Variants in TAS2R20 observed in about 807,000 individuals in gnomAD.
TAS2R20 encodes the protein taste 2 receptor member 20.
For missense variants in TAS2R20, 364 were observed against 352.2 expected (o/e 1.03, Z -0.27); for synonymous variants, 136 against 127.1 (o/e 1.07, Z -0.47).
Position 10,997,954 on chromosome 12 carries a change from T to C in TAS2R20, c.-79A>G. 1 of 815,308 alleles carries C rather than the reference T, an allele frequency of 1.2e-6. No individual in the cohort carries two copies. Among genetic ancestry groups the C allele is most frequent in the East Asian group, 2.6e-5 (1 of 38,574 alleles). The allele number at this position is 815,308 out of a possible 1,614,324, so 50.5% of individuals were successfully genotyped here. A position where few individuals can be genotyped will look rare whatever the true frequency, so the allele number is the denominator to read the frequency against. Reference sequence around the variant, plus strand: ...TCCTCTGATATTCAAGACTTTAAGTTAAATATGCACTTGATTCCTGAATGT... The same window carrying C: ...TCCTCTGATATTCAAGACTTTAAGTCAAATATGCACTTGATTCCTGAATGT... On this transcript the variant is annotated 5_prime_UTR_variant, in exon 1 of 1. Coordinates refer to ENST00000538986, the MANE Select transcript of TAS2R20 (RefSeq NM_176889.4).
Position 10,997,585 on chromosome 12 carries a change from C to G in TAS2R20, c.291G>C (p.Trp97Cys), listed in dbSNP as rs1315511744. Residue 97 changes from tryptophan (W) to cysteine (C), a missense_variant, in exon 1 of 1, where the codon TGG becomes TGC. Coordinates refer to ENST00000538986, the MANE Select transcript of TAS2R20 (RefSeq NM_176889.4). ...AAAATATGCTGAGGCTAGTAGCAAGCCAGATGCTGAAATGATTGGTTACTG... is the reference window on the plus strand; with the variant it reads ...AAAATATGCTGAGGCTAGTAGCAAGGCAGATGCTGAAATGATTGGTTACTG... ...AWAVTNHFSI[W>C]LATSLSIFYL... 2 of 1,613,966 alleles carry G rather than the reference C, an allele frequency of 1.2e-6. No individual in the cohort carries two copies. Among genetic ancestry groups the G allele is most frequent in the East Asian group, 2.2e-5 (1 of 44,866 alleles).
At chr12:10,997,433 TG>T in the TAS2R20 span, 2 of 1,613,940 alleles carry the variant, frequency 1.2e-6, no homozygotes, top group South Asian at 2.2e-5. Flanking sequence ...TATATACGTG[TG>T]TTTCATCACA....
At position 10,997,301 on chromosome 12, in the gene TAS2R20, A is replaced by G. The variant is rs1246132601; in HGVS notation, c.575T>C (p.Leu192Pro). The G allele has an allele frequency of 1.2e-6, 2 of 1,614,000 alleles. No individual in the cohort carries two copies. The highest frequency in any genetic ancestry group is 1.7e-5 in the Admixed American group (1 of 59,978). Residue 192 changes from leucine to proline, a missense_variant, in exon 1 of 1, where the codon CTG (leucine) becomes CCG (proline). By Grantham distance (98) the Leu-to-Pro change is moderately conservative. Transcript: ENST00000538986. Reference sequence around the variant, plus strand: ...GTAGATTAACAGCAGAAAAGATATCAGGGTCAGAGTGAATGGTATCAAGTT... The same window carrying G: ...GTAGATTAACAGCAGAAAAGATATCGGGGTCAGAGTGAATGGTATCAAGTT... ...LANLIPFTLTLISFLLLIYSL... is the reference protein window; with the variant it reads ...LANLIPFTLTPISFLLLIYSL...
In TAS2R20 at chr12:10,997,141, T is replaced by C; in HGVS notation, c.735A>G (p.Leu245=). ...LILLAIYFLC[L]IISFWNFKMR... ...TCTTAAAATTCCAAAACGATATGAT[T>C]AGACACAGAAAGTAAATGGCAAGTA... The change falls in exon 1 of 1, where the codon CTA becomes CTG. Residue 245 remains leucine, a synonymous_variant. Transcript: ENST00000538986. 1 of 1,614,054 alleles carries C rather than the reference T, an allele frequency of 6.2e-7. No homozygotes were observed. The highest frequency in any genetic ancestry group is 8.5e-7 in the Non-Finnish European group (1 of 1,179,962).
At position 10,997,954 on chromosome 12, in the gene TAS2R20, T is replaced by A; in HGVS notation, c.-79A>T. 1.2e-6 allele frequency: 1 copy of A among 815,304 alleles called. No homozygotes were observed. The highest frequency in any genetic ancestry group is 1.9e-6 in the Non-Finnish European group (1 of 525,796). 50.5% of individuals were successfully genotyped at this position (815,304 alleles called of 1,614,324 possible). On this transcript the variant is annotated 5_prime_UTR_variant, in exon 1 of 1. Coordinates refer to ENST00000538986, the MANE Select transcript of TAS2R20 (RefSeq NM_176889.4). The stretch of plus-strand genomic sequence containing the variant: ...TCCTCTGATATTCAAGACTTTAAGT[T>A]AAATATGCACTTGATTCCTGAATGT...
In TAS2R20 at chr12:10,997,282, T is replaced by A. The variant is rs772527915; in HGVS notation, c.594A>T (p.Leu198Phe). 1.2e-6 allele frequency: 2 copies of A among 1,614,074 alleles called. No individual in the cohort carries two copies. The highest frequency in any genetic ancestry group is 8.5e-7 in the Non-Finnish European group (1 of 1,179,992). ...TCAGATGTTTACACAGAGAGTAGAT[T>A]AACAGCAGAAAAGATATCAGGGTCA... is the stretch of plus-strand genomic sequence containing the variant. ...FTLTLISFLLLIYSLCKHLKK... is the reference protein window; with the variant it reads ...FTLTLISFLLFIYSLCKHLKK... The change falls in exon 1 of 1, where the codon TTA becomes TTT. Residue 198 changes from leucine to phenylalanine, a missense_variant. Leu to Phe is a conservative substitution (Grantham distance 22). Transcript: ENST00000538986.
rs748922170 is a variant in TAS2R20 at position 10,997,559 on chromosome 12, T to C, written c.317A>G (p.Tyr106Cys). The C allele has an allele frequency of 6.2e-7, 1 of 1,614,062 alleles. No homozygotes were observed. Among genetic ancestry groups the C allele is most frequent in the Non-Finnish European group, 8.5e-7 (1 of 1,179,964 alleles). Residue 106 changes from tyrosine (Y) to cysteine (C), a missense_variant, in exon 1 of 1, where the codon TAT becomes TGT. Physicochemically the swap from Tyr to Cys is radical, Grantham distance 194 (BLOSUM62 -2). Transcript: ENST00000538986. ...IWLATSLSIFYLLKIVNFSRL... is the reference protein window; with the variant it reads ...IWLATSLSIFCLLKIVNFSRL... The stretch of plus-strand genomic sequence containing the variant: ...GGAGAAATTGACGATCTTGAGCAAA[T>C]AAAATATGCTGAGGCTAGTAGCAAG...
rs1421311345 is a variant in TAS2R20 at position 10,997,498 on chromosome 12, C to T, written c.378G>A (p.Lys126=). The stretch of plus-strand genomic sequence containing the variant: ...CCAACACTATCACCAGAACTACACT[C>T]TTAGCCTTCCTTTTTAAGTGATGAA... ...LIFHHLKRKA[K]SVVLVIVLGS... The change falls in exon 1 of 1, where the codon AAG becomes AAA. Residue 126 remains lysine, a synonymous_variant. Coordinates refer to ENST00000538986, the MANE Select transcript of TAS2R20 (RefSeq NM_176889.4). 6.2e-7 allele frequency: 1 copy of T among 1,613,860 alleles called. No homozygotes were observed. Among genetic ancestry groups the T allele is most frequent in the South Asian group, 1.1e-5 (1 of 91,062 alleles).
rs899771607 is a variant in TAS2R20 at position 10,997,469 on chromosome 12, G to C, written c.407C>G (p.Ser136Cys). The change falls in exon 1 of 1, where the codon TCT (serine) becomes TGT (cysteine). Residue 136 changes from serine to cysteine, a missense_variant. Coordinates refer to ENST00000538986, the MANE Select transcript of TAS2R20 (RefSeq NM_176889.4). ...KSVVLVIVLG[S>C]LFFLVCHLVM... ...AAGGTGACAAACCAAAAAGAACAAA[G>C]ACCCCAACACTATCACCAGAACTAC... 6.2e-7 allele frequency: 1 copy of C among 1,613,700 alleles called. No individual in the cohort carries two copies. The highest frequency in any genetic ancestry group is 1.7e-5 in the Admixed American group (1 of 59,952).
rs760744153 is a variant in TAS2R20, at chr12:10,997,427, T to C, written c.449A>G (p.Tyr150Cys). 41 of 1,613,936 alleles carry C rather than the reference T, an allele frequency of 2.5e-5. 1 individual carries two copies. Among genetic ancestry groups the C allele is most frequent in the South Asian group, 1.9e-4 (17 of 91,080 alleles). Residue 150 changes from tyrosine (Y) to cysteine (C), a missense_variant, in exon 1 of 1, where the codon TAT (tyrosine) becomes TGT (cysteine). Physicochemically the swap from Tyr to Cys is radical, Grantham distance 194. Coordinates refer to ENST00000538986, the MANE Select transcript of TAS2R20 (RefSeq NM_176889.4). ...ACATTCTTCTGTCCACACATTTATA[T>C]ACGTGTGTTTCATCACAAGGTGACA... ...LVCHLVMKHTYINVWTEECEG... is the reference protein window; with the variant it reads ...LVCHLVMKHTCINVWTEECEG...
chr12:10,997,941 C>A lies in TAS2R20; in HGVS notation c.-66G>T. 9.9e-7 allele frequency: 1 copy of A among 1,011,400 alleles called. No individual in the cohort carries two copies. Among genetic ancestry groups the A allele is most frequent in the Non-Finnish European group, 1.4e-6 (1 of 696,410 alleles). The allele number at this position is 1,011,400 out of a possible 1,614,324, so 62.7% of individuals were successfully genotyped here. On this transcript the variant is annotated 5_prime_UTR_variant, in exon 1 of 1. Coordinates refer to ENST00000538986, the MANE Select transcript of TAS2R20 (RefSeq NM_176889.4). Reference sequence around the variant, plus strand: ...CACTGATGGTGACTCCTCTGATATTCAAGACTTTAAGTTAAATATGCACTT... The same window carrying A: ...CACTGATGGTGACTCCTCTGATATTAAAGACTTTAAGTTAAATATGCACTT...
In TAS2R20 at chr12:10,997,096, G is replaced by C; in HGVS notation, c.780C>G (p.Val260=). ...TTCCAAAAGCTTGGCAAAGCATTAA[G>C]ACAATTTCTTTTGGTCGCATCTTAA... ...WNFKMRPKEI[V]LMLCQAFGII... Residue 260 remains valine, a synonymous_variant, in exon 1 of 1, where the codon GTC becomes GTG. Coordinates refer to ENST00000538986, the MANE Select transcript of TAS2R20 (RefSeq NM_176889.4). 6.2e-7 allele frequency: 1 copy of C among 1,614,046 alleles called. No individual in the cohort carries two copies. The highest frequency in any genetic ancestry group is 1.1e-5 in the South Asian group (1 of 91,068).
In TAS2R20 at chr12:10,997,382, T is replaced by C; in HGVS notation, c.494A>G (p.Lys165Arg). ...GTGCATTGCATTCCTCAGTTTGATC[T>C]TCCAAGTTACGTTTCCTTCACATTC... The part of the protein sequence containing the change: ...TEECEGNVTW[K>R]IKLRNAMHLS... Residue 165 changes from lysine to arginine, a missense_variant, in exon 1 of 1, where the codon AAG becomes AGG. Physicochemically the swap from Lys to Arg is conservative, Grantham distance 26. Coordinates refer to ENST00000538986, the MANE Select transcript of TAS2R20 (RefSeq NM_176889.4). The C allele has an allele frequency of 6.2e-7, 1 of 1,614,152 alleles. No individual in the cohort carries two copies. The highest frequency in any genetic ancestry group is 8.5e-7 in the Non-Finnish European group (1 of 1,180,014).
Position 10,997,681 on chromosome 12 carries a change from A to G in TAS2R20, c.195T>C (p.His65=), listed in dbSNP as rs1183452869. The G allele has an allele frequency of 1.2e-6, 2 of 1,613,764 alleles. No homozygotes were observed. The highest frequency in any genetic ancestry group is 1.7e-5 in the Admixed American group (1 of 59,962). Residue 65 remains histidine, a synonymous_variant, in exon 1 of 1, where the codon CAT becomes CAC. Transcript: ENST00000538986. ...RVGLLWVILL[H]WYSTVLNPTS... is the part of the protein sequence containing the mutation. ...TTGGATTCAACACAGTTGAATACCA[A>G]TGTAATAATATTACCCAGAGCAAAC...
At position 10,996,414 on chromosome 12, in the gene TAS2R20, T is replaced by C. The variant is rs1472692621; in HGVS notation, c.*532A>G. The stretch of plus-strand genomic sequence containing the variant: ...ACATTCTCATCGATTTAGAATTAAA[T>C]GTCCTTACCATCCAAAAAATTAGAG... On this transcript the variant is annotated 3_prime_UTR_variant, in exon 1 of 1. Transcript: ENST00000538986. 1 of 150,962 alleles carries C rather than the reference T, an allele frequency of 6.6e-6. No individual in the cohort carries two copies. Among genetic ancestry groups the C allele is most frequent in the African/African-American group, 2.4e-5 (1 of 41,190 alleles). 9.4% of individuals were successfully genotyped at this position (150,962 alleles called of 1,614,324 possible).
rs966765090 is a variant in TAS2R20, at chr12:10,996,153, TA to T, written c.*792del. Among the ~76,000 whole-genome samples the T allele has an allele frequency of 5.6e-4, 79 of 140,142 alleles. No individual in the cohort carries two copies. Among genetic ancestry groups the T allele is most frequent in the South Asian group, 4.5e-4 (2 of 4,396 alleles). 91.9% of individuals were successfully genotyped at this position (140,142 alleles called of 152,430 possible). On this transcript the variant is annotated 3_prime_UTR_variant, in exon 1 of 1. Transcript: ENST00000538986. ...CAGCATGGTGAAACCCCATCTCTAC[TA>T]AAAAAAAAAAGAAAAATACAAAAAA...
At position 10,996,675 on chromosome 12, in the gene TAS2R20, T is replaced by C. The variant is rs1231142099; in HGVS notation, c.*271A>G. 1.6e-5 allele frequency: 4 copies of C among 254,712 alleles called. No individual in the cohort carries two copies. In the East Asian group the frequency reaches 2.3e-4, roughly 15 times the overall value. 15.8% of individuals were successfully genotyped at this position (254,712 alleles called of 1,614,324 possible). A position where few individuals can be genotyped will look rare whatever the true frequency, so the allele number is the denominator to read the frequency against. On this transcript the variant is annotated 3_prime_UTR_variant, in exon 1 of 1. Coordinates refer to ENST00000538986, the MANE Select transcript of TAS2R20 (RefSeq NM_176889.4). ...TGAGAAATTTCTTATCCTACTTTGG[T>C]ATAACTGAACAGTTTATATGAAAAG...
chr12:10,996,089 G>A lies in TAS2R20; in HGVS notation c.*857C>T, dbSNP rs1292763899. Among the ~76,000 whole-genome samples the A allele has an allele frequency of 6.6e-6, 1 of 151,828 alleles. No individual in the cohort carries two copies. Among genetic ancestry groups the A allele is most frequent in the Non-Finnish European group, 1.5e-5 (1 of 67,964 alleles). On this transcript the variant is annotated 3_prime_UTR_variant, in exon 1 of 1. Transcript: ENST00000538986. ...CCCAGCACTTTGGGAGGCTGAGGCA[G>A]TGGATCACTTGAGGTCAAGAGTTCG... is the stretch of plus-strand genomic sequence containing the variant.
chr12:10,997,116 T>G lies in TAS2R20; in HGVS notation c.760A>C (p.Met254Leu). 1 of 1,614,044 alleles carries G rather than the reference T, an allele frequency of 6.2e-7. No homozygotes were observed. Among genetic ancestry groups the G allele is most frequent in the Non-Finnish European group, 8.5e-7 (1 of 1,179,952 alleles). ...ATTAAGACAATTTCTTTTGGTCGCATCTTAAAATTCCAAAACGATATGATT... is the reference window on the plus strand; with the variant it reads ...ATTAAGACAATTTCTTTTGGTCGCAGCTTAAAATTCCAAAACGATATGATT... ...CLIISFWNFK[M>L]RPKEIVLMLC... Residue 254 changes from methionine to leucine, a missense_variant, in exon 1 of 1, where the codon ATG (methionine) becomes CTG (leucine). Coordinates refer to ENST00000538986, the MANE Select transcript of TAS2R20 (RefSeq NM_176889.4).
Sources: allele counts gnomAD v4.1 joint callset (sites outside exome capture counted in the v4.1 genomes callset), GRCh38; gene constraint gnomAD v4.1.1; transcripts MANE v1.5; gene names NCBI Gene and HGNC (gene_info 2026-07-23, HGNC 2026-07-21).